TANC1: variants seen among roughly 807,000 people sequenced by gnomAD.
TANC1 encodes the protein tetratricopeptide repeat, ankyrin repeat and coiled-coil containing 1, also known as protein TANC1.
In TANC1, 77 loss-of-function variants were observed where a neutral mutation model predicts 149.7. The ratio of observed to expected loss-of-function variants is 0.51; its 90% CI spans 0.43 to 0.62. The LOEUF (loss-of-function observed/expected upper bound fraction) is 0.62. TANC1 is among the 20% of genes least tolerant of loss of function. The pLI, the probability that TANC1 is intolerant of heterozygous loss-of-function variation, is 0.00. For missense variants in TANC1, 1,985 were observed against 2,321.8 expected, an observed-to-expected ratio of 0.85 and a Z score of 2.98; for synonymous variants, 854 against 925.0, an observed-to-expected ratio of 0.92 and a Z score of 1.39.
intron 17 of TANC1, among the ~76,000 whole-genome samples, chr2:159,195,440 G>C (rs908470545): frequency 2.0e-5 from 3 of 152,168 alleles, no homozygotes; most frequent in African/African-American, 7.2e-5. Context: ...AGCTTTAATA[G>C]GGTGAATGAG....
At chr2:159,129,254 C>T (rs1207544155) in intron 4 of TANC1, among the ~76,000 whole-genome samples, 2 of 152,180 alleles carry the variant, frequency 1.3e-5, no homozygotes, top group African/African-American at 4.8e-5. Context: ...GCCCTTCTCC[C>T]TTTCACTGCC....
intron 2 of TANC1, among the ~76,000 whole-genome samples, chr2:159,034,574 G>A (rs533121792): frequency 1.5e-3 from 225 of 152,244 alleles, no homozygotes; most frequent in African/African-American, 5.2e-3. Context: ...ACCTCAGGGC[G>A]GTTGATAGTG....
Position 159,227,854 on chromosome 2 carries a change from G to C in TANC1, c.3939G>C (p.Gln1313His), listed in dbSNP as rs758072597. The change falls in exon 25 of 27, where the codon CAG (glutamine) becomes CAC (histidine). Residue 1313 changes from glutamine (Q) to histidine (H), a missense_variant. Around this residue, in one of 3 missense-constraint regions of TANC1, gnomAD observed 920 missense variants for 994.7 expected, o/e 0.92. Coordinates refer to ENST00000263635, the MANE Select transcript of TANC1 (RefSeq NM_033394.3). The stretch of plus-strand genomic sequence containing the variant: ...TGAAAGAGGCAGCCCAGAGGTACCA[G>C]TATGCCTTAAGAAAGTTTCCTCGAG... Reference protein sequence around the residue: ...GKMKEAAQRYQYALRKFPREG... With the variant: ...GKMKEAAQRYHYALRKFPREG... 3 of 1,614,210 alleles carry C rather than the reference G, an allele frequency of 1.9e-6. No homozygotes were observed. The highest frequency in any genetic ancestry group is 4.5e-5 in the East Asian group (2 of 44,884).
At chr2:159,199,206 A>G (rs977620362) in intron 19 of TANC1, among the ~76,000 whole-genome samples, 153 bp downstream of exon 19, 7 of 152,236 alleles carry the variant, frequency 4.6e-5, no homozygotes, top group Admixed American at 3.3e-4. Context: ...AACTTTCTAC[A>G]TGAGTAGCAA....
intron 1 of TANC1, among the ~76,000 whole-genome samples, chr2:158,969,133 C>T (rs987674503): frequency 6.6e-6 from 1 of 152,182 alleles, no homozygotes; most frequent in Non-Finnish European, 1.5e-5. Flanking sequence ...GGGACCACCC[C>T]CGCCCGGCGC....
intron 3 of TANC1, among the ~76,000 whole-genome samples, chr2:159,096,095 A>G (rs972274984): frequency 9.2e-5 from 14 of 152,054 alleles, no homozygotes; most frequent in African/African-American, 3.4e-4. Context: ...GCTTGTGGGA[A>G]AGTTTATACA....
intron 3 of TANC1, among the ~76,000 whole-genome samples, chr2:159,096,830 G>A (rs2046196202): frequency 6.6e-6 from 1 of 152,136 alleles, no homozygotes; most frequent in South Asian, 2.1e-4. Context: ...CGGGAAAGTT[G>A]TTGACTGAAA....
intron 5 of TANC1, among the ~76,000 whole-genome samples, chr2:159,139,592 T>G (rs1559332956): frequency 6.6e-6 from 1 of 152,184 alleles, no homozygotes; most frequent in African/African-American, 2.4e-5. Context: ...TTTATTTAGG[T>G]TTGCATTAAT....
At chr2:159,058,746 T>C (rs530338934) in intron 2 of TANC1, among the ~76,000 whole-genome samples, 1 of 152,368 alleles carries the variant, frequency 6.6e-6, no homozygotes, top group Admixed American at 6.5e-5. Context: ...AAGTGAAATT[T>C]TCTTTCTGCC....
At chr2:158,985,713 G>A (rs919572408) in intron 1 of TANC1, among the ~76,000 whole-genome samples, 5 of 151,944 alleles carry the variant, frequency 3.3e-5, no homozygotes, top group African/African-American at 1.2e-4. Context: ...GCGTGATCTC[G>A]GTTCACTACA....
At chr2:159,159,733 A>T (rs866674833) in intron 7 of TANC1, among the ~76,000 whole-genome samples, 35,582 of 140,268 alleles carry the variant, frequency 0.25, 5,643 homozygotes, top group Non-Finnish European at 0.38. Flanking sequence ...AGAGAGAGAG[A>T]GAGAGAGAGA....
intron 2 of TANC1, among the ~76,000 whole-genome samples, chr2:159,059,888 T>G (rs13008292): frequency 6.1e-5 from 7 of 114,818 alleles, no homozygotes; most frequent in East Asian, 2.5e-4. Context: ...GCAGACCTCT[T>G]TGTGTGTGTG....
intron 4 of TANC1, among the ~76,000 whole-genome samples, chr2:159,116,163 A>G (rs2048221341): frequency 6.6e-6 from 1 of 152,160 alleles, no homozygotes; most frequent in Admixed American, 6.5e-5. Context: ...GCGGTGGCTC[A>G]CACTTGTAAT....
At chr2:158,990,579 A>G (rs2035513438) in intron 1 of TANC1, among the ~76,000 whole-genome samples, 1 of 152,180 alleles carries the variant, frequency 6.6e-6, no homozygotes, top group Admixed American at 6.5e-5. Context: ...GGATTGAGTA[A>G]GAATTCACTT....
intron 4 of TANC1, among the ~76,000 whole-genome samples, chr2:159,126,031 C>T (rs1227028156): frequency 6.6e-6 from 1 of 152,176 alleles, no homozygotes; most frequent in Non-Finnish European, 1.5e-5. Flanking sequence ...CTGACCCTTC[C>T]TCCTGCCTTT....
intron 3 of TANC1, among the ~76,000 whole-genome samples, chr2:159,093,903 A>G (rs1270403036): frequency 6.6e-6 from 1 of 152,214 alleles, no homozygotes; most frequent in Non-Finnish European, 1.5e-5. Flanking sequence ...TTTGCTTGTT[A>G]TAAACAAAGT....
intron 8 of TANC1, among the ~76,000 whole-genome samples, chr2:159,165,747 A>T (rs1189947510): frequency 6.6e-6 from 1 of 152,256 alleles, no homozygotes; most frequent in Non-Finnish European, 1.5e-5. Flanking sequence ...GCATGTTATG[A>T]TCCAGGTAAA....
chr2:158,972,635 T>C (rs2033066766), intron 1 of TANC1, among the ~76,000 whole-genome samples: 1 of 152,240 alleles, frequency 6.6e-6, no homozygotes, highest in Non-Finnish European at 1.5e-5. Context: ...TCTGAGCAGC[T>C]TGTCCATCTT....
At chr2:159,056,679 G>T in intron 2 of TANC1, 1 of 222,890 alleles carries the variant, frequency 4.5e-6, no homozygotes, top group South Asian at 7.5e-5. Context: ...GAAACTGGTT[G>T]CTTGGTTCTC....
Sources: allele counts gnomAD v4.1 joint callset (sites outside exome capture counted in the v4.1 genomes callset), GRCh38; gene constraint gnomAD v4.1.1; regional missense constraint gnomAD v4.1.1; transcripts MANE v1.5; gene names NCBI Gene and HGNC (gene_info 2026-07-23, HGNC 2026-07-21).